C2CD2: variants seen among roughly 807,000 people sequenced by gnomAD.
C2CD2 encodes the protein C2 calcium dependent domain containing 2.
C2CD2 carries 43 observed loss-of-function variants against 74.3 expected under a neutral mutation model. The observed-to-expected ratio is 0.58, with a 90% CI of 0.45 to 0.75. The LOEUF is 0.75. Ranked by LOEUF, C2CD2 falls within the 30% of genes least tolerant of loss-of-function variation. The probability of loss-of-function intolerance (pLI) is 0.00; values close to 1 mark genes in which losing one functional copy is unlikely to be tolerated. For synonymous variants in C2CD2, 422 were observed against 390.7 expected (o/e 1.08, Z -0.94); for missense variants, 801 against 916.3 (o/e 0.87, Z 1.63).
Position 41,895,022 on chromosome 21 carries a change from G to A in C2CD2, c.1870+4031C>T. On this transcript the variant is annotated intron_variant, in intron 13 of 13. Transcript: ENST00000380486. The surrounding 1 kb of genome is among the most constrained non-coding windows in gnomAD (Gnocchi z 5.0). ...GAGATTCAACAGAACACGCACTGAG[G>A]TGCGGCTGGGAAGGCATTGTGTAGA... The A allele has an allele frequency of 4.4e-6, 2 of 451,216 alleles. No individual in the cohort carries two copies. The highest frequency in any genetic ancestry group is 9.0e-6 in the Non-Finnish European group (2 of 223,206). 28.0% of individuals were successfully genotyped at this position (451,216 alleles called of 1,614,324 possible).
intron 11 of C2CD2, 83 bp downstream of exon 11, chr21:41,905,641 G>A: frequency 1.3e-6 from 1 of 755,838 alleles, no homozygotes; most frequent in East Asian, 2.6e-5. Context: ...TCCAAATTCT[G>A]AAAGGAAAAT....
At position 41,885,133 on chromosome 21, in the gene C2CD2, A is replaced by C. The variant is rs1197155045; in HGVS notation, c.*3991T>G. The C allele has an allele frequency of 2.6e-5, 4 of 152,160 alleles. No homozygotes were observed. In the South Asian group the frequency reaches 6.2e-4, roughly 24 times the overall value. The allele number at this position is 152,160 out of a possible 1,614,324, so 9.4% of individuals were successfully genotyped here. ...AGTGTAGTGTTCTGTGTGCACATTTATTTCTTTCAAAGATTGTTTGTGTTC... is the reference window on the plus strand; with the variant it reads ...AGTGTAGTGTTCTGTGTGCACATTTCTTTCTTTCAAAGATTGTTTGTGTTC... On this transcript the variant is annotated 3_prime_UTR_variant, in exon 14 of 14. Transcript: ENST00000380486.
chr21:41,936,795 T>C (rs2065310957), intron 2 of C2CD2, among the ~76,000 whole-genome samples: 1 of 151,508 alleles, frequency 6.6e-6, no homozygotes, highest in South Asian at 2.1e-4. Context: ...GATTTTTTTC[T>C]TCCATATGAT....
At chr21:41,900,127 A>T (rs1199663641) in intron 12 of C2CD2, among the ~76,000 whole-genome samples, 1 of 152,080 alleles carries the variant, frequency 6.6e-6, no homozygotes, top group Non-Finnish European at 1.5e-5. Context: ...ACAAAAAATT[A>T]GCTGGTCGTA....
chr21:41,916,692 C>T (rs1195793653), intron 5 of C2CD2, among the ~76,000 whole-genome samples: 1 of 151,038 alleles, frequency 6.6e-6, no homozygotes, highest in Non-Finnish European at 1.5e-5. Flanking sequence ...CACACACACA[C>T]ACACACACAC....
In C2CD2 at chr21:41,953,862, C is replaced by G. The variant is rs897784166; in HGVS notation, c.-214G>C. 4 of 276,812 alleles carry G rather than the reference C, an allele frequency of 1.4e-5. No individual in the cohort carries two copies. The highest frequency in any genetic ancestry group is 9.0e-5 in the African/African-American group (4 of 44,314). The allele number at this position is 276,812 out of a possible 1,614,324, so 17.1% of individuals were successfully genotyped here. On this transcript the variant is annotated 5_prime_UTR_variant, in exon 1 of 14. Coordinates refer to ENST00000380486, the MANE Select transcript of C2CD2 (RefSeq NM_015500.2). ...CCGCGGCCCGGGCTGGGCGCAAGCC[C>G]CGCACACCTGCGGAACAGGGGCGCG... is the stretch of plus-strand genomic sequence containing the variant.
rs2064927631 is a variant in C2CD2, at chr21:41,903,766, G to T, written c.1432+1958C>A. Among the ~76,000 whole-genome samples, 1 of 152,052 alleles carries T rather than the reference G, an allele frequency of 6.6e-6. No individual in the cohort carries two copies. Among genetic ancestry groups the T allele is most frequent in the Admixed American group, 6.5e-5 (1 of 15,270 alleles). On this transcript the variant is annotated intron_variant, in intron 11 of 13. Transcript: ENST00000380486. This position sits in a 1 kb window ranked among gnomAD's most constrained non-coding sequence, Gnocchi z 4.5. Reference sequence around the variant, plus strand: ...GCCAGGTGCAGCCTGCACCGTGGCAGGTGAGCCTGGGGGCCGGCTCCATGG... The same window carrying T: ...GCCAGGTGCAGCCTGCACCGTGGCATGTGAGCCTGGGGGCCGGCTCCATGG...
At chr21:41,909,036 G>T (rs1374528885) in intron 8 of C2CD2, among the ~76,000 whole-genome samples, 1 of 152,180 alleles carries the variant, frequency 6.6e-6, no homozygotes, top group Non-Finnish European at 1.5e-5. Context: ...GCACAACCGT[G>T]TGAATGTACT....
At chr21:41,938,234 AAAAT>A (rs2065325145) in intron 2 of C2CD2, among the ~76,000 whole-genome samples, 1 of 152,154 alleles carries the variant, frequency 6.6e-6, no homozygotes, top group South Asian at 2.1e-4. Context: ...TCAATTAAAA[AAAAT>A]AAATTTTAAA....
intron 1 of C2CD2, among the ~76,000 whole-genome samples, chr21:41,947,878 G>C (rs148461719): frequency 2.0e-5 from 3 of 152,180 alleles, no homozygotes; most frequent in Non-Finnish European, 4.4e-5. Context: ...GCTTCCCCAC[G>C]GGCCCTTCCA....
chr21:41,919,445 C>T (rs950586817), intron 3 of C2CD2, among the ~76,000 whole-genome samples: 13 of 152,206 alleles, frequency 8.5e-5, no homozygotes, highest in African/African-American at 2.9e-4. Context: ...CTCAACCTAC[C>T]CCTCAAAGAG....
chr21:41,930,002 G>A (rs894874209), intron 2 of C2CD2, among the ~76,000 whole-genome samples: 1 of 152,170 alleles, frequency 6.6e-6, no homozygotes, highest in Non-Finnish European at 1.5e-5. Flanking sequence ...TGAATGTCAT[G>A]AAAGGGAGGA....
rs2064702534 is a variant in C2CD2, at chr21:41,887,823, G to C, written c.*1301C>G. ...GCCTTTTACATGTCTTTGGAGAAAA[G>C]TGAATCATATTAAACTGTCAAGAAC... On this transcript the variant is annotated 3_prime_UTR_variant, in exon 14 of 14. Transcript: ENST00000380486. The C allele has an allele frequency of 6.6e-6, 1 of 152,202 alleles. No individual in the cohort carries two copies. The highest frequency in any genetic ancestry group is 2.4e-5 in the African/African-American group (1 of 41,446). 9.4% of individuals were successfully genotyped at this position (152,202 alleles called of 1,614,324 possible).
chr21:41,926,286 C>A lies in C2CD2; in HGVS notation c.379-4201G>T, dbSNP rs750824683. On this transcript the variant is annotated intron_variant, in intron 2 of 13. Coordinates refer to ENST00000380486, the MANE Select transcript of C2CD2 (RefSeq NM_015500.2). The surrounding 1 kb of genome is among the most constrained non-coding windows in gnomAD (Gnocchi z 8.0). Reference sequence around the variant, plus strand: ...GAAAATCAAGCAACAGAAGGGTGAACTTTGTATTCCAAATAAACAGCTTCC... The same window carrying A: ...GAAAATCAAGCAACAGAAGGGTGAAATTTGTATTCCAAATAAACAGCTTCC... 3 of 181,964 alleles carry A rather than the reference C, an allele frequency of 1.6e-5. No individual in the cohort carries two copies. The highest frequency in any genetic ancestry group is 2.4e-5 in the African/African-American group (1 of 41,962). 11.3% of individuals were successfully genotyped at this position (181,964 alleles called of 1,614,324 possible).
At chr21:41,935,183 C>T (rs1269219133) in intron 2 of C2CD2, among the ~76,000 whole-genome samples, 2 of 152,320 alleles carry the variant, frequency 1.3e-5, no homozygotes, top group Non-Finnish European at 2.9e-5. Context: ...AGCCACCGCG[C>T]TGGCCAGCCT....
chr21:41,893,148 TA>T lies in C2CD2; in HGVS notation c.1871-3805del, dbSNP rs2064776854. Reference sequence around the variant, plus strand: ...CACAGCAAGACCCCATCTCTATTTTTAAAAAATAAAAAAATTAAACTTTTTT... The same window carrying T: ...CACAGCAAGACCCCATCTCTATTTTTAAAAATAAAAAAATTAAACTTTTTT... On this transcript the variant is annotated intron_variant, in intron 13 of 13. Transcript: ENST00000380486. 2.6e-5 allele frequency among the ~76,000 whole-genome samples: 4 copies of T among 152,190 alleles called. 1 individual carries two copies. In the South Asian group the frequency reaches 8.3e-4, roughly 32 times the overall value.
rs376426818 is a variant in C2CD2 at position 41,922,881 on chromosome 21, T to C, written c.379-796A>G. ...TCAGATTAAAACCTTTTCTATAATA[T>C]AGTTTGAAAACCAGAAACAATGTTT... On this transcript the variant is annotated intron_variant, in intron 2 of 13. Coordinates refer to ENST00000380486, the MANE Select transcript of C2CD2 (RefSeq NM_015500.2). Among the ~76,000 whole-genome samples the C allele has an allele frequency of 1.1e-4, 16 of 152,368 alleles. No homozygotes were observed. The East Asian group carries it at 2.9e-3, about 27-fold the overall frequency.
chr21:41,926,603 C>T lies in C2CD2; in HGVS notation c.379-4518G>A, dbSNP rs1042752214. On this transcript the variant is annotated intron_variant, in intron 2 of 13. Coordinates refer to ENST00000380486, the MANE Select transcript of C2CD2 (RefSeq NM_015500.2). The surrounding 1 kb of genome is among the most constrained non-coding windows in gnomAD (Gnocchi z 8.0). ...AAACAGCGCTTATCTGGAAACTATT[C>T]CTTTGTTTAGACTTGGGGCCAAAAA... The T allele has an allele frequency of 6.1e-6, 6 of 983,002 alleles. No homozygotes were observed. The African/African-American group carries it at 8.7e-5, about 14-fold the overall frequency. 60.9% of individuals were successfully genotyped at this position (983,002 alleles called of 1,614,324 possible).
intron 12 of C2CD2, among the ~76,000 whole-genome samples, chr21:41,900,279 AAT>A (rs2064878616): frequency 1.3e-5 from 2 of 151,644 alleles, no homozygotes; most frequent in South Asian, 4.2e-4. Flanking sequence ...GTCTCAAAAA[AAT>A]AAAATAAAAT....
Sources: gnomAD v4.1 joint callset for allele counts (sites outside exome capture counted in the v4.1 genomes callset) on GRCh38, gnomAD v4.1.1 for gene constraint, Gnocchi (gnomAD v3.1) non-coding constraint, MANE v1.5 for transcripts, NCBI Gene and HGNC (gene_info 2026-07-23, HGNC 2026-07-21) for gene names.